Variants in NXPE4 observed in about 807,000 individuals in gnomAD.
NXPE4 encodes neurexophilin and PC-esterase domain family member 4, also known as NXPE family member 4.
Under a neutral mutation model 33.3 loss-of-function variants are expected in NXPE4, and 42 were observed. The ratio of observed to expected loss-of-function variants is 1.26; its 90% CI spans 0.98 to 1.63. The LOEUF (loss-of-function observed/expected upper bound fraction) is 1.63, where lower values mean the gene tolerates loss of function less well. Ranked by LOEUF, NXPE4 falls within the 40% of genes most tolerant of loss-of-function variation. The pLI is 0.00. For missense variants in NXPE4, 709 were observed against 647.6 expected, an observed-to-expected ratio of 1.09 and a Z score of -1.03; for synonymous variants, 253 against 234.9, an observed-to-expected ratio of 1.08 and a Z score of -0.71.
chr11:114,614,866 G>A, the NXPE4 span, among the ~76,000 whole-genome samples: 799 of 151,904 alleles, frequency 5.3e-3, 33 homozygotes, highest in East Asian at 0.011. Flanking sequence ...GGTTACCACT[G>A]TTTCCCAGTG....
chr11:114,616,514 G>A, the NXPE4 span, among the ~76,000 whole-genome samples: 7 of 151,636 alleles, frequency 4.6e-5, no homozygotes, highest in South Asian at 1.2e-3. Context: ...TGGATAATAT[G>A]TATTGTCTGG....
chr11:114,598,724 T>G (rs552066928), upstream of NXPE4, among the ~76,000 whole-genome samples: 116 of 152,230 alleles, frequency 7.6e-4, no homozygotes, highest in Admixed American at 1.2e-3. Context: ...GTTTTGAGGC[T>G]GTGCAGGGTG....
intron 2 of NXPE4, among the ~76,000 whole-genome samples, chr11:114,592,046 T>C (rs1949469314): frequency 6.6e-6 from 1 of 152,114 alleles, no homozygotes; most frequent in African/African-American, 2.4e-5. Context: ...AAAAAACATG[T>C]ATAACAAATC....
intron 4 of NXPE4, among the ~76,000 whole-genome samples, chr11:114,581,488 A>AT: frequency 6.6e-6 from 1 of 152,266 alleles, no homozygotes; most frequent in East Asian, 1.9e-4. Flanking sequence ...TGGGCAGGGA[A>AT]TTCACTGACT....
chr11:114,632,652 AAAAT>A, the NXPE4 span, among the ~76,000 whole-genome samples: 13 of 93,394 alleles, frequency 1.4e-4, no homozygotes, highest in African/African-American at 4.5e-4. Context: ...TAATAAATGT[AAAAT>A]AAATATATAG....
intron 5 of NXPE4, among the ~76,000 whole-genome samples, chr11:114,573,636 T>C (rs1325965215): frequency 6.6e-6 from 1 of 152,024 alleles, no homozygotes; most frequent in African/African-American, 2.4e-5. Context: ...CATTATATAA[T>C]GATAAAATAA....
the NXPE4 span, among the ~76,000 whole-genome samples, chr11:114,665,025 A>G: frequency 2.0e-5 from 3 of 152,192 alleles, no homozygotes; most frequent in Non-Finnish European, 2.9e-5. Context: ...GGTTTAATGG[A>G]ACATAACCCC....
chr11:114,634,750 G>A, the NXPE4 span, among the ~76,000 whole-genome samples: 1 of 151,866 alleles, frequency 6.6e-6, no homozygotes, highest in African/African-American at 2.4e-5. Flanking sequence ...TTTTTCTCAG[G>A]TTTCTCAAAG....
the NXPE4 span, among the ~76,000 whole-genome samples, chr11:114,624,592 G>A: frequency 6.6e-6 from 1 of 151,756 alleles, no homozygotes; most frequent in South Asian, 2.1e-4. Flanking sequence ...GTTAACTGGT[G>A]GATTATAAGT....
chr11:114,643,726 G>A, the NXPE4 span, among the ~76,000 whole-genome samples: 10 of 152,002 alleles, frequency 6.6e-5, no homozygotes, highest in Non-Finnish European at 1.0e-4. Context: ...GCTTAAGATT[G>A]TCTTGGCTAT....
chr11:114,605,848 A>G, the NXPE4 span, among the ~76,000 whole-genome samples: 6 of 151,816 alleles, frequency 4.0e-5, no homozygotes, highest in East Asian at 1.2e-3. Context: ...CTCATGGGTA[A>G]CCACTGTTAC....
the NXPE4 span, among the ~76,000 whole-genome samples, chr11:114,624,495 C>T: frequency 1.3e-5 from 2 of 151,104 alleles, no homozygotes; most frequent in African/African-American, 4.9e-5. Flanking sequence ...ATGGGTAAGC[C>T]CTGTTGCCCA....
the NXPE4 span, among the ~76,000 whole-genome samples, chr11:114,658,440 C>T: frequency 6.6e-6 from 1 of 152,266 alleles, no homozygotes. Flanking sequence ...TGGACCTCCA[C>T]TGGGCACTCA....
At chr11:114,574,659 C>A (rs1444764269) in intron 5 of NXPE4, among the ~76,000 whole-genome samples, 1 of 152,068 alleles carries the variant, frequency 6.6e-6, no homozygotes, top group Non-Finnish European at 1.5e-5. Flanking sequence ...GATATAGAAT[C>A]TCTGAACAGA....
chr11:114,586,554 C>A (rs1038654465), intron 2 of NXPE4, among the ~76,000 whole-genome samples: 5 of 152,172 alleles, frequency 3.3e-5, no homozygotes, highest in African/African-American at 1.2e-4. Flanking sequence ...CTAATCCCCC[C>A]ATGTCCTCAG....
the NXPE4 span, among the ~76,000 whole-genome samples, chr11:114,617,382 G>A: frequency 4.7e-5 from 7 of 150,236 alleles, no homozygotes; most frequent in Non-Finnish European, 1.0e-4. Context: ...ACTGTTACCC[G>A]GTAGATAATA....
At chr11:114,648,510 T>C in the NXPE4 span, among the ~76,000 whole-genome samples, 4 of 152,186 alleles carry the variant, frequency 2.6e-5, no homozygotes, top group Admixed American at 6.5e-5. Flanking sequence ...AGTCTACTAA[T>C]TTAAACGTTA....
intron 2 of NXPE4, chr11:114,583,675 T>C (rs1286497934): frequency 6.9e-6 from 4 of 582,968 alleles, no homozygotes; most frequent in Non-Finnish European, 1.4e-5. Flanking sequence ...GCCTGCACCA[T>C]GCAAAGAAGT....
rs1020121072 is a variant in NXPE4 at position 114,581,672 on chromosome 11, C to T, written c.892+53G>A. ...AACAAATCCAGTAGAAAGAAGAAACCCTTTAAATGGGTCTAGAACTAGGCA... is the reference window on the plus strand; with the variant it reads ...AACAAATCCAGTAGAAAGAAGAAACTCTTTAAATGGGTCTAGAACTAGGCA... On this transcript the variant is annotated intron_variant, in intron 4 of 5. Transcript: ENST00000375478. The T allele has an allele frequency of 6.5e-6, 9 of 1,379,848 alleles. No individual in the cohort carries two copies. In the African/African-American group the frequency reaches 1.3e-4, roughly 20 times the overall value. 85.5% of individuals were successfully genotyped at this position (1,379,848 alleles called of 1,614,324 possible). A position where few individuals can be genotyped will look rare whatever the true frequency, so the allele number is the denominator to read the frequency against.
Sources: gnomAD v4.1 joint callset for allele counts (sites outside exome capture counted in the v4.1 genomes callset) on GRCh38, gnomAD v4.1.1 for gene constraint, MANE v1.5 for transcripts, NCBI Gene and HGNC (gene_info 2026-07-23, HGNC 2026-07-21) for gene names.